KLHL1: variants seen among roughly 807,000 people sequenced by gnomAD.
The protein encoded by KLHL1 is kelch like family member 1.
KLHL1 carries 47 observed loss-of-function variants against 77.7 expected under a neutral mutation model. The observed-to-expected ratio is 0.60, with a 90% CI of 0.48 to 0.77. The LOEUF is 0.77. Among genes scored for constraint, KLHL1 ranks in the 30% least tolerant of loss-of-function variants. The pLI is 0.00. For synonymous variants in KLHL1, 360 were observed against 325.2 expected (o/e 1.11, Z -1.15); for missense variants, 925 against 910.8 (o/e 1.02, Z -0.20).
At chr13:69,808,133 C>T (rs1023934015) in intron 6 of KLHL1, among the ~76,000 whole-genome samples, 5 of 152,054 alleles carry the variant, frequency 3.3e-5, no homozygotes, top group Non-Finnish European at 7.4e-5. Flanking sequence ...TCACCTCTTT[C>T]CCCCCACACC....
At chr13:69,953,779 A>T (rs1883785623) in intron 3 of KLHL1, among the ~76,000 whole-genome samples, 2 of 151,242 alleles carry the variant, frequency 1.3e-5, no homozygotes, top group Admixed American at 1.3e-4. Context: ...CTCAAAATTA[A>T]TAAATGATTG....
chr13:70,075,637 T>C (rs1325177283), intron 1 of KLHL1, among the ~76,000 whole-genome samples: 3 of 143,182 alleles, frequency 2.1e-5, no homozygotes, highest in East Asian at 4.0e-4. Flanking sequence ...TGTATATATA[T>C]ATAGGACTTT....
At chr13:69,717,692 ATCTCT>A (rs775233379) in intron 9 of KLHL1, among the ~76,000 whole-genome samples, 40 of 152,132 alleles carry the variant, frequency 2.6e-4, no homozygotes, top group Non-Finnish European at 3.2e-4. Context: ...CATCATATTC[ATCTCT>A]TCTCTTCGTT....
chr13:69,816,872 C>T (rs908185440), intron 6 of KLHL1, among the ~76,000 whole-genome samples: 6 of 152,068 alleles, frequency 3.9e-5, no homozygotes, highest in African/African-American at 1.4e-4. Flanking sequence ...GCAGCAGAAT[C>T]ACCTGAACCC....
intron 2 of KLHL1, among the ~76,000 whole-genome samples, chr13:69,972,629 C>T (rs1406493421): frequency 1.3e-5 from 2 of 151,890 alleles, no homozygotes; most frequent in East Asian, 1.9e-4. Context: ...AACACTGTTT[C>T]GATGAACATA....
At chr13:69,917,464 T>C (rs1477830747) in intron 4 of KLHL1, among the ~76,000 whole-genome samples, 2 of 152,114 alleles carry the variant, frequency 1.3e-5, no homozygotes, top group African/African-American at 4.8e-5. Flanking sequence ...CCCGTCCCAG[T>C]GAGCACATTA....
At chr13:69,963,724 C>A (rs1393464131) in intron 2 of KLHL1, among the ~76,000 whole-genome samples, 3 of 152,062 alleles carry the variant, frequency 2.0e-5, no homozygotes, top group African/African-American at 7.3e-5. Context: ...AGTCAAAAAT[C>A]TAAAAGAAGA....
chr13:69,990,568 C>T (rs1885003494), intron 1 of KLHL1, among the ~76,000 whole-genome samples: 1 of 151,992 alleles, frequency 6.6e-6, no homozygotes, highest in Non-Finnish European at 1.5e-5. Flanking sequence ...TCAAACAAGG[C>T]AAAGAAGGGC....
intron 4 of KLHL1, among the ~76,000 whole-genome samples, chr13:69,908,732 G>T (rs1882129023): frequency 6.6e-6 from 1 of 151,014 alleles, no homozygotes; most frequent in South Asian, 2.1e-4. Flanking sequence ...GAGAATACTG[G>T]TTTATATTAT....
At chr13:70,023,710 A>G (rs1195135784) in intron 1 of KLHL1, among the ~76,000 whole-genome samples, 1 of 151,890 alleles carries the variant, frequency 6.6e-6, no homozygotes, top group Non-Finnish European at 1.5e-5. Flanking sequence ...TTCATAGAAA[A>G]TCTCACAATA....
intron 1 of KLHL1, among the ~76,000 whole-genome samples, chr13:70,060,298 C>G (rs1886846542): frequency 6.6e-6 from 1 of 152,054 alleles, no homozygotes; most frequent in Non-Finnish European, 1.5e-5. Context: ...AAAGAGGAAC[C>G]ATTGTACACT....
At chr13:69,828,657 G>T (rs1375439085) in intron 6 of KLHL1, among the ~76,000 whole-genome samples, 2 of 150,026 alleles carry the variant, frequency 1.3e-5, no homozygotes, top group African/African-American at 5.0e-5. Context: ...TTGCAGCCTG[G>T]GGCAAGATCT....
intron 7 of KLHL1, among the ~76,000 whole-genome samples, chr13:69,758,367 G>A (rs1874864693): frequency 6.6e-6 from 1 of 151,966 alleles, no homozygotes; most frequent in South Asian, 2.1e-4. Flanking sequence ...CCTTTTATAA[G>A]TTCTTATAAT....
At chr13:70,020,841 G>A (rs1164299474) in intron 1 of KLHL1, among the ~76,000 whole-genome samples, 3 of 151,578 alleles carry the variant, frequency 2.0e-5, no homozygotes, top group African/African-American at 7.3e-5. Flanking sequence ...ATTTTTGTAT[G>A]TATTTTCTAT....
Position 70,069,515 on chromosome 13 carries a change from A to T in KLHL1, c.497+37688T>A, listed in dbSNP as rs1887090939. Reference sequence around the variant, plus strand: ...GGGACAAAGTAAACATCATAACCAGACTCAGATATGGCAGAGAATTCAGAA... The same window carrying T: ...GGGACAAAGTAAACATCATAACCAGTCTCAGATATGGCAGAGAATTCAGAA... On this transcript the variant is annotated intron_variant, in intron 1 of 10. Coordinates refer to ENST00000377844, the MANE Select transcript of KLHL1 (RefSeq NM_020866.3). Among the ~76,000 whole-genome samples the T allele has an allele frequency of 2.0e-5, 3 of 152,222 alleles. No homozygotes were observed. In the South Asian group the frequency reaches 6.2e-4, roughly 31 times the overall value.
intron 9 of KLHL1, among the ~76,000 whole-genome samples, chr13:69,714,000 G>A (rs530574924): frequency 2.6e-5 from 4 of 152,180 alleles, no homozygotes; most frequent in African/African-American, 9.6e-5. Context: ...TGCTGATGAT[G>A]TGCTTAATGT....
At chr13:69,736,052 TA>T (rs1029161608) in intron 8 of KLHL1, among the ~76,000 whole-genome samples, 20 of 152,048 alleles carry the variant, frequency 1.3e-4, no homozygotes, top group African/African-American at 4.8e-4. Context: ...TTAATTAAAC[TA>T]AAAAAGTTCT....
intron 5 of KLHL1, among the ~76,000 whole-genome samples, chr13:69,848,539 G>C (rs1460695982): frequency 6.6e-6 from 1 of 151,282 alleles, no homozygotes; most frequent in African/African-American, 2.4e-5. Flanking sequence ...CTACTATTCT[G>C]GCCAAATTAT....
At chr13:69,775,909 T>C (rs574452045) in intron 7 of KLHL1, among the ~76,000 whole-genome samples, 1 of 152,144 alleles carries the variant, frequency 6.6e-6, no homozygotes, top group South Asian at 2.1e-4. Flanking sequence ...TCCCAGCACT[T>C]TGAGAGGCCG....
Sources: allele counts gnomAD v4.1 joint callset (sites outside exome capture counted in the v4.1 genomes callset), GRCh38; gene constraint gnomAD v4.1.1; transcripts MANE v1.5; gene names NCBI Gene and HGNC (gene_info 2026-07-23, HGNC 2026-07-21).